BBS9: variants seen among roughly 807,000 people sequenced by gnomAD.
The protein encoded by BBS9 is protein PTHB1.
In BBS9, 89 loss-of-function variants were observed where a neutral mutation model predicts 117.7. The ratio of observed to expected loss-of-function variants is 0.76; its 90% CI spans 0.64 to 0.90. BBS9 has a LOEUF of 0.90. Ranked by LOEUF, BBS9 falls within the 40% of genes least tolerant of loss-of-function variation. The pLI is 0.00. For synonymous variants in BBS9, 379 were observed against 370.9 expected (o/e 1.02, Z -0.25); for missense variants, 982 against 1,042.2 (o/e 0.94, Z 0.80).
intron 19 of BBS9, among the ~76,000 whole-genome samples, chr7:33,406,192 C>T (rs1333004901): frequency 6.6e-6 from 1 of 152,140 alleles, no homozygotes; most frequent in Non-Finnish European, 1.5e-5. Context: ...TTTGATTGCA[C>T]TGTGGTCTGA....
At chr7:33,231,475 G>T (rs1437738928) in intron 5 of BBS9, among the ~76,000 whole-genome samples, 2 of 133,002 alleles carry the variant, frequency 1.5e-5, no homozygotes, top group African/African-American at 2.7e-5. Context: ...GATTGCTATG[G>T]CTTTGTAATA....
intron 5 of BBS9, among the ~76,000 whole-genome samples, chr7:33,184,776 G>T (rs1469407200): frequency 1.3e-5 from 2 of 152,148 alleles, no homozygotes; most frequent in Admixed American, 6.6e-5. Context: ...TCTCAAACAA[G>T]AAAGAATTCA....
chr7:33,501,107 A>G, intron 19 of BBS9, among the ~76,000 whole-genome samples: 1 of 152,164 alleles, frequency 6.6e-6, no homozygotes, highest in East Asian at 1.9e-4. Context: ...ACCCTTAAAA[A>G]TCGCTCTCCC....
chr7:33,394,580 A>G (rs905663106), intron 19 of BBS9, among the ~76,000 whole-genome samples: 4 of 152,304 alleles, frequency 2.6e-5, no homozygotes, highest in African/African-American at 7.2e-5. Context: ...AAATTTTGGG[A>G]AAAATATCAT....
chr7:33,132,283 C>T (rs934490350), intron 1 of BBS9, among the ~76,000 whole-genome samples: 2 of 152,130 alleles, frequency 1.3e-5, no homozygotes, highest in Non-Finnish European at 2.9e-5. Flanking sequence ...ACCACTGGCA[C>T]GGATTTCTTA....
At chr7:33,167,439 G>T (rs1795874933) in intron 4 of BBS9, among the ~76,000 whole-genome samples, 1 of 141,518 alleles carries the variant, frequency 7.1e-6, no homozygotes, top group Non-Finnish European at 1.5e-5. Flanking sequence ...GTCTAGCTCT[G>T]TTGCCCAGGC....
intron 19 of BBS9, among the ~76,000 whole-genome samples, chr7:33,465,528 C>T (rs1410722619): frequency 2.0e-5 from 3 of 152,210 alleles, no homozygotes; most frequent in African/African-American, 4.8e-5. Flanking sequence ...TAAATATTAA[C>T]GGATTTCAGT....
chr7:33,354,709 T>A (rs1819316041), intron 15 of BBS9, among the ~76,000 whole-genome samples: 1 of 152,106 alleles, frequency 6.6e-6, no homozygotes, highest in Non-Finnish European at 1.5e-5. Context: ...GGCTTCCAAT[T>A]TGACAGTGAT....
intron 15 of BBS9, among the ~76,000 whole-genome samples, chr7:33,355,218 G>A (rs1409024482): frequency 6.6e-6 from 1 of 151,892 alleles, no homozygotes; most frequent in Non-Finnish European, 1.5e-5. Flanking sequence ...ATGCCTCTAT[G>A]AGTCTTTGGC....
chr7:33,420,075 G>A (rs191144647), intron 19 of BBS9, among the ~76,000 whole-genome samples: 39 of 152,228 alleles, frequency 2.6e-4, no homozygotes, highest in South Asian at 1.0e-3. Flanking sequence ...AAAGTTCTGC[G>A]TTATTAATAA....
intron 4 of BBS9, 99 bp downstream of exon 4, chr7:33,155,801 A>T: frequency 1.5e-6 from 1 of 677,076 alleles, no homozygotes; most frequent in Non-Finnish European, 2.6e-6. Context: ...TAGAGAACAC[A>T]AAACATTTAG....
At chr7:33,395,466 GA>G (rs1194798954) in intron 19 of BBS9, among the ~76,000 whole-genome samples, 2 of 152,148 alleles carry the variant, frequency 1.3e-5, no homozygotes, top group African/African-American at 4.8e-5. Context: ...TACATGTGCT[GA>G]GGTTTTTCTC....
At chr7:33,565,014 G>A (rs1856635124) in intron 21 of BBS9, among the ~76,000 whole-genome samples, 1 of 152,126 alleles carries the variant, frequency 6.6e-6, no homozygotes, top group African/African-American at 2.4e-5. Flanking sequence ...TTGGTATTAG[G>A]TGAACCTATT....
intron 19 of BBS9, among the ~76,000 whole-genome samples, chr7:33,389,431 T>A (rs1826621257): frequency 6.6e-6 from 1 of 152,174 alleles, no homozygotes; most frequent in Non-Finnish European, 1.5e-5. Flanking sequence ...GGCTCACGCC[T>A]GTAATCCCAG....
chr7:33,505,118 G>A (rs1845958730), intron 19 of BBS9, among the ~76,000 whole-genome samples: 1 of 152,138 alleles, frequency 6.6e-6, no homozygotes, highest in African/African-American at 2.4e-5. Context: ...TATGTGGCTG[G>A]TAATAAAGAC....
chr7:33,581,103 A>T (rs879320470), intron 21 of BBS9, among the ~76,000 whole-genome samples: 3,142 of 151,692 alleles, frequency 0.021, 63 homozygotes, highest in South Asian at 0.096. Flanking sequence ...TGTGAGAGAG[A>T]GAGAGAGAGA....
chr7:33,345,424 T>C (rs996798197), intron 12 of BBS9, among the ~76,000 whole-genome samples: 6 of 152,216 alleles, frequency 3.9e-5, no homozygotes, highest in Admixed American at 6.5e-5. Context: ...TTATATTTTC[T>C]TAGATTATGG....
At chr7:33,189,581 GT>G (rs897153233) in intron 5 of BBS9, among the ~76,000 whole-genome samples, 2 of 146,634 alleles carry the variant, frequency 1.4e-5, no homozygotes, top group African/African-American at 2.5e-5. Context: ...TTTCTTCAAT[GT>G]TTTTTTAATT....
intron 19 of BBS9, among the ~76,000 whole-genome samples, chr7:33,441,142 T>TAAC (rs887181677): frequency 2.1e-4 from 32 of 152,272 alleles, no homozygotes; most frequent in African/African-American, 7.7e-4. Context: ...GATTGTTATA[T>TAAC]AACAAGTAGA....
Sources: allele counts gnomAD v4.1 joint callset (sites outside exome capture counted in the v4.1 genomes callset), GRCh38; gene constraint gnomAD v4.1.1; transcripts MANE v1.5; gene names NCBI Gene and HGNC (gene_info 2026-07-23, HGNC 2026-07-21).